Variants in EPHB1 observed in about 807,000 individuals in gnomAD.
EPHB1 encodes ephrin type-B receptor 1.
EPHB1 carries 30 observed loss-of-function variants against 94.4 expected under a neutral mutation model. The observed-to-expected ratio is 0.32, with a 90% CI of 0.24 to 0.43. The LOEUF is 0.43. Ranked by LOEUF, EPHB1 falls within the 20% of genes least tolerant of loss-of-function variation. The probability of loss-of-function intolerance (pLI) is 1.00; values close to 1 mark genes in which losing one functional copy is unlikely to be tolerated. For synonymous variants in EPHB1, 522 were observed against 489.1 expected, an observed-to-expected ratio of 1.07 and a Z score of -0.89; for missense variants, 1,055 against 1,308.3, an observed-to-expected ratio of 0.81 and a Z score of 2.99.
chr3:134,926,739 A>T (rs890801193), intron 2 of EPHB1, among the ~76,000 whole-genome samples: 1 of 152,188 alleles, frequency 6.6e-6, no homozygotes. Context: ...CCTATAGGAA[A>T]TGGAGAGATC....
chr3:134,873,793 G>C (rs191386507), intron 1 of EPHB1, among the ~76,000 whole-genome samples: 1 of 152,300 alleles, frequency 6.6e-6, no homozygotes, highest in East Asian at 1.9e-4. Flanking sequence ...GGCAATGGAG[G>C]GGTCTCCAGT....
chr3:134,805,728 G>T (rs2036030815), intron 1 of EPHB1, among the ~76,000 whole-genome samples: 1 of 152,108 alleles, frequency 6.6e-6, no homozygotes, highest in Non-Finnish European at 1.5e-5. Context: ...TGCTCTGTTT[G>T]TGTTGCATGT....
chr3:135,115,431 C>T (rs983830819), intron 4 of EPHB1, among the ~76,000 whole-genome samples: 1 of 152,222 alleles, frequency 6.6e-6, no homozygotes, highest in Admixed American at 6.5e-5. Context: ...CCTCTGTCCT[C>T]TGCCAGCCTC....
chr3:134,873,834 C>A (rs952857158), intron 1 of EPHB1, among the ~76,000 whole-genome samples: 16 of 152,322 alleles, frequency 1.1e-4, no homozygotes, highest in African/African-American at 3.6e-4. Flanking sequence ...TAAATGTGAA[C>A]AAGACGTGAT....
chr3:135,199,216 G>C (rs994377916), intron 11 of EPHB1, among the ~76,000 whole-genome samples: 2 of 152,090 alleles, frequency 1.3e-5, no homozygotes, highest in Non-Finnish European at 2.9e-5. Flanking sequence ...GGAAATAATA[G>C]ACTGAATTGA....
chr3:135,102,468 G>T (rs1161093877), intron 3 of EPHB1, among the ~76,000 whole-genome samples: 2 of 152,116 alleles, frequency 1.3e-5, no homozygotes, highest in African/African-American at 2.4e-5. Context: ...TAAATTTCTA[G>T]TGAAAAAATA....
chr3:134,997,682 T>G (rs1476022036), intron 3 of EPHB1, among the ~76,000 whole-genome samples: 1 of 152,216 alleles, frequency 6.6e-6, no homozygotes, highest in Non-Finnish European at 1.5e-5. Flanking sequence ...TGGATAAACC[T>G]TCCTTTTCAT....
chr3:134,983,115 G>A (rs1433987850), intron 3 of EPHB1, among the ~76,000 whole-genome samples: 2 of 152,156 alleles, frequency 1.3e-5, no homozygotes, highest in South Asian at 2.1e-4. Context: ...GCTTCTAAAC[G>A]TTTTAATAAA....
At chr3:134,974,412 G>T (rs1934103207) in intron 3 of EPHB1, among the ~76,000 whole-genome samples, 1 of 152,144 alleles carries the variant, frequency 6.6e-6, no homozygotes, top group Non-Finnish European at 1.5e-5. Context: ...TGTAAAATGG[G>T]ATTGATAGTA....
chr3:135,004,281 T>A (rs1485069810), intron 3 of EPHB1, among the ~76,000 whole-genome samples: 2 of 151,506 alleles, frequency 1.3e-5, no homozygotes, highest in East Asian at 3.9e-4. Context: ...ATGTTGAATA[T>A]TGGCCCCCAC....
intron 1 of EPHB1, chr3:134,823,990 G>C (rs1315805776): frequency 6.6e-6 from 1 of 152,106 alleles, no homozygotes; most frequent in Admixed American, 6.6e-5. Context: ...CTGCACAAAG[G>C]GAAGCACACT....
chr3:135,049,392 G>T (rs1273674821), intron 3 of EPHB1, among the ~76,000 whole-genome samples: 1 of 152,212 alleles, frequency 6.6e-6, no homozygotes, highest in Non-Finnish European at 1.5e-5. Context: ...TGAGGCTGGG[G>T]TCGTCACAAA....
Position 134,970,351 on chromosome 3 carries a change from G to T in EPHB1, c.805+18299G>T, listed in dbSNP as rs568497809. Among the ~76,000 whole-genome samples the T allele has an allele frequency of 2.6e-5, 4 of 152,278 alleles. No homozygotes were observed. In the South Asian group the frequency reaches 8.3e-4, roughly 32 times the overall value. On this transcript the variant is annotated intron_variant, in intron 3 of 15. Transcript: ENST00000398015. Reference sequence around the variant, plus strand: ...ATGTCCAATTATTTCAACATGGAGAGAGCTGTATGAGTGGCTCTTTCACTT... The same window carrying T: ...ATGTCCAATTATTTCAACATGGAGATAGCTGTATGAGTGGCTCTTTCACTT...
At chr3:134,967,430 G>C (rs755922136) in intron 3 of EPHB1, among the ~76,000 whole-genome samples, 1 of 152,152 alleles carries the variant, frequency 6.6e-6, no homozygotes, top group Non-Finnish European at 1.5e-5. Flanking sequence ...TAGGTGATTG[G>C]ATCATGAGAG....
chr3:134,946,784 G>A (rs1488428849), intron 2 of EPHB1, among the ~76,000 whole-genome samples: 1 of 98,350 alleles, frequency 1.0e-5, no homozygotes, highest in Non-Finnish European at 1.9e-5. Flanking sequence ...CATGTGACAT[G>A]CCTGCTCCTC....
chr3:135,149,664 C>T (rs1234866847), intron 5 of EPHB1, among the ~76,000 whole-genome samples: 1 of 152,238 alleles, frequency 6.6e-6, no homozygotes, highest in Non-Finnish European at 1.5e-5. Flanking sequence ...CCGTGATTTT[C>T]AGGGAGGATA....
chr3:134,944,080 C>T (rs73226298), intron 2 of EPHB1, among the ~76,000 whole-genome samples: 2,937 of 152,226 alleles, frequency 0.019, 52 homozygotes, highest in South Asian at 0.035. Context: ...ACATTTTTAT[C>T]ACTCCTAAAA....
At chr3:135,175,945 C>G (rs1050158965) in intron 9 of EPHB1, among the ~76,000 whole-genome samples, 4 of 152,212 alleles carry the variant, frequency 2.6e-5, no homozygotes, top group African/African-American at 9.7e-5. Flanking sequence ...AAACTGCTCA[C>G]TGGCAAGTGG....
chr3:134,930,623 C>T lies in EPHB1; in HGVS notation c.123+4743C>T, dbSNP rs116043996. ...AGAGGTCCTGTGGATAAACAGTCAGCGCTGTGCCCAACCATGGGCAGTGCT... is the reference window on the plus strand; with the variant it reads ...AGAGGTCCTGTGGATAAACAGTCAGTGCTGTGCCCAACCATGGGCAGTGCT... On this transcript the variant is annotated intron_variant, in intron 2 of 15. Coordinates refer to ENST00000398015, the MANE Select transcript of EPHB1 (RefSeq NM_004441.5). Among the ~76,000 whole-genome samples the T allele has an allele frequency of 6.9e-3, 1,045 of 152,336 alleles. 13 individuals carry two copies. Among genetic ancestry groups the T allele is most frequent in the African/African-American group, 0.024 (996 of 41,562 alleles).
Sources: gnomAD v4.1 joint callset for allele counts (sites outside exome capture counted in the v4.1 genomes callset) on GRCh38, gnomAD v4.1.1 for gene constraint, MANE v1.5 for transcripts, NCBI Gene and HGNC (gene_info 2026-07-23, HGNC 2026-07-21) for gene names.